PSMG2: variants seen among roughly 807,000 people sequenced by gnomAD.
PSMG2 encodes proteasome assembly chaperone 2.
A neutral mutation model predicts 31.5 loss-of-function variants in PSMG2; 21 were observed. The observed-to-expected ratio is 0.67, with a 90% CI of 0.47 to 0.96. The LOEUF (loss-of-function observed/expected upper bound fraction) is 0.96. PSMG2 is among the 40% of genes least tolerant of loss of function. The pLI is 0.00. For missense variants in PSMG2, 318 were observed against 321.2 expected (o/e 0.99, Z 0.08); for synonymous variants, 120 against 110.4 (o/e 1.09, Z -0.54).
chr18:12,706,673 T>C lies in PSMG2; in HGVS notation c.181T>C (p.Tyr61His), dbSNP rs201114531. Residue 61 changes from tyrosine to histidine, a missense_variant, in exon 2 of 7, where the codon TAT becomes CAT. Tyr to His is a moderately conservative substitution (Grantham distance 83). Transcript: ENST00000317615. ...CLVPMVGNNPYATTEGNSTEL... is the reference protein window; with the variant it reads ...CLVPMVGNNPHATTEGNSTEL... ...TGTGCCAATGGTTGGAAACAATCCA[T>C]ATGCGACCACAGAAGGAAATTCAAC... 681 of 1,612,234 alleles carry C rather than the reference T, an allele frequency of 4.2e-4. 3 individuals carry two copies. The highest frequency in any genetic ancestry group is 1.3e-4 in the Non-Finnish European group (153 of 1,178,540).
chr18:12,676,243 C>T (rs2039125337), intron 1 of PSMG2, among the ~76,000 whole-genome samples: 1 of 150,030 alleles, frequency 6.7e-6, no homozygotes, highest in Non-Finnish European at 1.5e-5. Context: ...TGGCATCTAT[C>T]ACAGCTTTGT....
intron 1 of PSMG2, chr18:12,670,790 G>A (rs2144965747): frequency 6.6e-6 from 1 of 152,058 alleles, no homozygotes; most frequent in East Asian, 1.9e-4. Context: ...TGGGACCACA[G>A]GTGTGCACGA....
At chr18:12,700,057 G>A, upstream of PSMG2, 1 of 441,958 alleles carries the variant, frequency 2.3e-6, no homozygotes, top group Non-Finnish European at 4.0e-6. Context: ...TTAAAATAAT[G>A]AAAATAAAAG....
At chr18:12,680,900 T>C (rs1353772746) in intron 1 of PSMG2, 2 of 1,345,260 alleles carry the variant, frequency 1.5e-6, no homozygotes, top group Non-Finnish European at 1.0e-6. Flanking sequence ...AATACTAAAT[T>C]ATAATAAAAA....
At chr18:12,674,865 T>G in intron 1 of PSMG2, 1 of 566,048 alleles carries the variant, frequency 1.8e-6, no homozygotes, top group Non-Finnish European at 2.9e-6. Context: ...TTTTAAAAGC[T>G]ATCATAATAT....
chr18:12,703,503 G>C (rs1366170992), intron 1 of PSMG2, among the ~76,000 whole-genome samples: 1 of 152,182 alleles, frequency 6.6e-6, no homozygotes, highest in Admixed American at 6.5e-5. Context: ...TTTAGAATTA[G>C]TCTTAAGCTA....
intron 1 of PSMG2, chr18:12,684,595 C>T (rs2039473349): frequency 6.6e-6 from 1 of 152,026 alleles, no homozygotes; most frequent in Non-Finnish European, 1.5e-5. Flanking sequence ...ATTCTCCTGC[C>T]TCAGCCTCCC....
chr18:12,688,020 G>GA (rs2145053332), intron 1 of PSMG2, among the ~76,000 whole-genome samples: 1 of 152,000 alleles, frequency 6.6e-6, no homozygotes, highest in South Asian at 2.1e-4. Flanking sequence ...AAGGTGGGTG[G>GA]ATCACGAGGT....
intron 1 of PSMG2, among the ~76,000 whole-genome samples, chr18:12,666,077 G>A (rs1226130211): frequency 6.6e-6 from 1 of 151,630 alleles, no homozygotes; most frequent in Admixed American, 6.6e-5. Flanking sequence ...AGCATCTTGG[G>A]AGACTGAGAC....
chr18:12,671,637 A>G (rs2038945539), intron 1 of PSMG2, among the ~76,000 whole-genome samples: 1 of 121,910 alleles, frequency 8.2e-6, no homozygotes, highest in South Asian at 2.4e-4. Flanking sequence ...CAGGTTTCAC[A>G]CTTTCTTTTT....
At position 12,715,017 on chromosome 18, in the gene PSMG2, T is replaced by C. The variant is rs2040364601; in HGVS notation, c.288+2257T>C. On this transcript the variant is annotated intron_variant, in intron 3 of 6. Coordinates refer to ENST00000317615, the MANE Select transcript of PSMG2 (RefSeq NM_020232.5). Reference sequence around the variant, plus strand: ...GCATGAGCCACTGTGCCCGGCCCTCTTTTTTTTTGAGGCAGAGTTTTACTC... The same window carrying C: ...GCATGAGCCACTGTGCCCGGCCCTCCTTTTTTTTGAGGCAGAGTTTTACTC... Among the ~76,000 whole-genome samples, 3 of 148,700 alleles carry C rather than the reference T, an allele frequency of 2.0e-5. No homozygotes were observed. The Admixed American group carries it at 2.0e-4, about 10-fold the overall frequency.
intron 1 of PSMG2, chr18:12,697,336 T>C: frequency 6.2e-7 from 1 of 1,613,930 alleles, no homozygotes; most frequent in Non-Finnish European, 8.5e-7. Flanking sequence ...TATGTCTGTT[T>C]TGATTAGCAC....
chr18:12,684,894 G>C (rs943150888), intron 1 of PSMG2: 4 of 152,016 alleles, frequency 2.6e-5, no homozygotes, highest in African/African-American at 7.2e-5. Context: ...CATTCAAAAA[G>C]TGTAATTAAA....
chr18:12,723,306 G>A (rs1034248483), intron 5 of PSMG2, among the ~76,000 whole-genome samples: 1 of 151,962 alleles, frequency 6.6e-6, no homozygotes, highest in Non-Finnish European at 1.5e-5. Context: ...GAAACTTTTT[G>A]CCTTGGTGTA....
intron 1 of PSMG2, chr18:12,661,869 A>T (rs1043201433): frequency 6.0e-6 from 1 of 165,300 alleles, no homozygotes; most frequent in African/African-American, 2.4e-5. Context: ...TTACTCTATG[A>T]CTTCATATTT....
At chr18:12,679,320 C>T (rs921798838) in intron 1 of PSMG2, 10 of 152,282 alleles carry the variant, frequency 6.6e-5, no homozygotes, top group Non-Finnish European at 1.0e-4. Context: ...CACAGAAGTT[C>T]GAGCAATTTG....
intron 2 of PSMG2, among the ~76,000 whole-genome samples, chr18:12,707,643 AGT>A (rs1455951268): frequency 6.6e-6 from 1 of 152,212 alleles, no homozygotes; most frequent in Non-Finnish European, 1.5e-5. Flanking sequence ...GCACCAGGTG[AGT>A]AAGAGAAGAG....
rs2040270337 is a variant in PSMG2 at position 12,706,534 on chromosome 18, T to C, written c.58-16T>C. 4 of 1,612,472 alleles carry C rather than the reference T, an allele frequency of 2.5e-6. No individual in the cohort carries two copies. Among genetic ancestry groups the C allele is most frequent in the Non-Finnish European group, 3.4e-6 (4 of 1,179,588 alleles). ...TAATTTTGGTGACTTACTGAACATATCTTTTATAATTTCAGCCAGCAGTAT... is the reference window on the plus strand; with the variant it reads ...TAATTTTGGTGACTTACTGAACATACCTTTTATAATTTCAGCCAGCAGTAT... On this transcript the variant is annotated splice_polypyrimidine_tract_variant and intron_variant, in intron 1 of 6. Transcript: ENST00000317615.
At chr18:12,673,583 A>T in intron 1 of PSMG2, 2 of 1,250,596 alleles carry the variant, frequency 1.6e-6, no homozygotes, top group South Asian at 1.4e-5. Flanking sequence ...ATCAGTATTT[A>T]AAATAATTTT....
Sources: allele counts gnomAD v4.1 joint callset (sites outside exome capture counted in the v4.1 genomes callset), GRCh38; gene constraint gnomAD v4.1.1; transcripts MANE v1.5; gene names NCBI Gene and HGNC (gene_info 2026-07-23, HGNC 2026-07-21).